Variants in USP14 observed in about 807,000 individuals in gnomAD.
The protein encoded by USP14 is ubiquitin carboxyl-terminal hydrolase 14.
In USP14, 38 loss-of-function variants were observed where a neutral mutation model predicts 76.5. That is an observed-to-expected ratio of 0.50 (90% CI 0.38 to 0.65). USP14 has a LOEUF of 0.65. Among genes scored for constraint, USP14 ranks in the 30% least tolerant of loss-of-function variants. The pLI is 0.00. For synonymous variants in USP14, 192 were observed against 191.7 expected, an observed-to-expected ratio of 1.00 and a Z score of -0.01; for missense variants, 467 against 586.5, an observed-to-expected ratio of 0.80 and a Z score of 2.10.
chr18:197,686 C>G lies in USP14; in HGVS notation c.665C>G (p.Ser222Cys). 9 of 1,609,712 alleles carry G rather than the reference C, an allele frequency of 5.6e-6. No individual in the cohort carries two copies. Among genetic ancestry groups the G allele is most frequent in the Non-Finnish European group, 7.6e-6 (9 of 1,177,436 alleles). ...QQKLEAIEDD[S>C]VKETDSSSAS... ...AAATTGGAAGCAATAGAGGATGATT[C>G]TGTTAAAGAGGTAATTGAAATATAT... Residue 222 changes from serine (S) to cysteine (C), a missense_variant, in exon 8 of 16, where the codon TCT (serine) becomes TGT (cysteine). By Grantham distance (112) the Ser-to-Cys change is moderately radical. Transcript: ENST00000261601.
intron 12 of USP14, 97 bp downstream of exon 12, chr18:203,287 C>A: frequency 8.7e-7 from 1 of 1,145,300 alleles, no homozygotes; most frequent in East Asian, 2.4e-5. Context: ...AATAGTTAAG[C>A]TTTCTTTGAA....
intron 7 of USP14, 43 bp downstream of exon 7, chr18:196,810 T>G: frequency 6.2e-7 from 1 of 1,604,850 alleles, no homozygotes; most frequent in Non-Finnish European, 8.5e-7. Context: ...ATGTAAAACT[T>G]AGGTTTCCTA....
At chr18:164,398 T>C (rs573248756) in intron 2 of USP14, among the ~76,000 whole-genome samples, 10 of 152,056 alleles carry the variant, frequency 6.6e-5, no homozygotes, top group African/African-American at 2.4e-4. Context: ...TCTGGAAAAC[T>C]GTTCATTTTT....
chr18:172,628 C>T (rs138492288), intron 3 of USP14, among the ~76,000 whole-genome samples: 7 of 152,180 alleles, frequency 4.6e-5, no homozygotes, highest in South Asian at 2.1e-4. Context: ...GAACCAGTGC[C>T]GTGATCAGTC....
chr18:182,479 A>G (rs1909812761), intron 5 of USP14, among the ~76,000 whole-genome samples: 1 of 152,202 alleles, frequency 6.6e-6, no homozygotes, highest in Non-Finnish European at 1.5e-5. Flanking sequence ...GGTTTTCTAC[A>G]TTTCTCTGAA....
In USP14 at chr18:198,116, G is replaced by A; in HGVS notation, c.745G>A (p.Val249Ile). ...AAGTTTAATCGATCAGTTCTTCGGT[G>A]TTGAGTTTGAAACTACGTATCCTTA... The part of the protein sequence containing the change: ...KKSLIDQFFG[V>I]EFETTMKCTE... Residue 249 changes from valine (V) to isoleucine (I), a missense_variant, in exon 9 of 16, where the codon GTT becomes ATT. By Grantham distance (29) the Val-to-Ile change is conservative. Transcript: ENST00000261601. The A allele has an allele frequency of 6.2e-7, 1 of 1,607,496 alleles. No individual in the cohort carries two copies.
Position 173,304 on chromosome 18 carries a change from G to T in USP14, c.196-5629G>T, listed in dbSNP as rs183758244. Among the ~76,000 whole-genome samples, 32 of 151,672 alleles carry T rather than the reference G, an allele frequency of 2.1e-4. 1 individual carries two copies. In the East Asian group the frequency reaches 4.7e-3, roughly 22 times the overall value. ...TTTGTATTTTTTTTAGTAGAGACGG[G>T]GTTTCACCATGTTAGCCAGGATGGT... On this transcript the variant is annotated intron_variant, in intron 3 of 15. Coordinates refer to ENST00000261601, the MANE Select transcript of USP14 (RefSeq NM_005151.4).
chr18:166,745 G>C, intron 2 of USP14, 42 bp from the exon 3 acceptor site: 1 of 1,594,008 alleles, frequency 6.3e-7, no homozygotes. Context: ...TGTTCAGCTT[G>C]TACAGTGGTG....
intron 6 of USP14, among the ~76,000 whole-genome samples, chr18:196,124 C>CAG (rs1398486815): frequency 6.6e-6 from 1 of 152,040 alleles, no homozygotes; most frequent in South Asian, 2.1e-4. Context: ...AGTTCGAGAC[C>CAG]AGCCTGGCCA....
At chr18:159,637 A>G (rs1347746332) in intron 1 of USP14, among the ~76,000 whole-genome samples, 1 of 152,196 alleles carries the variant, frequency 6.6e-6, no homozygotes, top group Non-Finnish European at 1.5e-5. Flanking sequence ...TGGATTCTTG[A>G]TGGTCTAGAA....
intron 4 of USP14, 34 bp downstream of exon 4, chr18:179,071 T>G: frequency 3.3e-6 from 5 of 1,494,026 alleles, no homozygotes; most frequent in Non-Finnish European, 3.7e-6. Context: ...GTTTGATCAC[T>G]ACTTTTTGAA....
rs982196497 is a variant in USP14 at position 214,505 on chromosome 18, C to A, written c.*3221C>A. On this transcript the variant is annotated 3_prime_UTR_variant, in exon 16 of 16. Coordinates refer to ENST00000261601, the MANE Select transcript of USP14 (RefSeq NM_005151.4). ...TGTTCTATTGTTCTCAGAGCACCAG[C>A]CGACTGTACAACAATTGTTATAAAA... 5 of 801,186 alleles carry A rather than the reference C, an allele frequency of 6.2e-6. No homozygotes were observed. The highest frequency in any genetic ancestry group is 1.7e-5 in the African/African-American group (1 of 57,438). 49.6% of individuals were successfully genotyped at this position (801,186 alleles called of 1,614,324 possible). A position where few individuals can be genotyped will look rare whatever the true frequency, so the allele number is the denominator to read the frequency against.
intron 5 of USP14, among the ~76,000 whole-genome samples, chr18:188,605 T>A (rs1910000208): frequency 6.6e-6 from 1 of 151,578 alleles, no homozygotes; most frequent in Non-Finnish European, 1.5e-5. Flanking sequence ...TTTCATGTTT[T>A]TATAGGACTG....
intron 3 of USP14, among the ~76,000 whole-genome samples, chr18:174,589 C>T (rs1156914312): frequency 6.1e-5 from 9 of 147,030 alleles, no homozygotes; most frequent in Admixed American, 3.4e-4. Flanking sequence ...TTAATGTTGT[C>T]GTAAGTGGTA....
chr18:163,537 T>C, intron 2 of USP14, 84 bp downstream of exon 2: 1 of 1,465,922 alleles, frequency 6.8e-7, no homozygotes, highest in Admixed American at 2.3e-5. Context: ...TTAATTTTAA[T>C]GTAGCATTTG....
chr18:167,994 A>C, intron 3 of USP14, among the ~76,000 whole-genome samples: 1 of 143,722 alleles, frequency 7.0e-6, no homozygotes, highest in African/African-American at 2.6e-5. Flanking sequence ...CTAGAGTGCA[A>C]TGGCGCGATC....
intron 5 of USP14, among the ~76,000 whole-genome samples, chr18:186,848 A>T (rs1044426499): frequency 1.3e-5 from 2 of 152,274 alleles, no homozygotes; most frequent in Non-Finnish European, 2.9e-5. Context: ...TAACCAATTC[A>T]AACAGTCTTA....
At chr18:164,769 A>G (rs1909222768) in intron 2 of USP14, among the ~76,000 whole-genome samples, 1 of 151,960 alleles carries the variant, frequency 6.6e-6, no homozygotes, top group South Asian at 2.1e-4. Context: ...TTTTCTAAAC[A>G]GTAATTGTTA....
At chr18:185,010 A>G (rs1287593803) in intron 5 of USP14, among the ~76,000 whole-genome samples, 1 of 152,168 alleles carries the variant, frequency 6.6e-6, no homozygotes, top group African/African-American at 2.4e-5. Context: ...TTATAAAAAA[A>G]TCATCCTAAA....
Sources: allele counts gnomAD v4.1 joint callset (sites outside exome capture counted in the v4.1 genomes callset), GRCh38; gene constraint gnomAD v4.1.1; transcripts MANE v1.5; gene names NCBI Gene and HGNC (gene_info 2026-07-23, HGNC 2026-07-21).